ARNT: variants seen among roughly 807,000 people sequenced by gnomAD.
The protein encoded by ARNT is class E basic helix-loop-helix protein 2.
In ARNT, 30 loss-of-function variants were observed where a neutral mutation model predicts 105.0. The ratio of observed to expected loss-of-function variants is 0.29; its 90% CI spans 0.21 to 0.39. ARNT has a LOEUF of 0.39. Ranked by LOEUF, ARNT falls within the 10% of genes least tolerant of loss-of-function variation. The pLI, the probability that ARNT is intolerant of heterozygous loss-of-function variation, is 1.00. For missense variants in ARNT, 748 were observed against 978.7 expected (o/e 0.76, Z 3.15); for synonymous variants, 304 against 344.0 (o/e 0.88, Z 1.29).
chr1:150,843,316 G>A (rs1439360345), intron 4 of ARNT, among the ~76,000 whole-genome samples: 3 of 152,094 alleles, frequency 2.0e-5, no homozygotes, highest in African/African-American at 4.8e-5. Flanking sequence ...CAAGGTGTTG[G>A]CAGGCCATTG....
intron 14 of ARNT, among the ~76,000 whole-genome samples, chr1:150,820,212 A>G (rs587716961): frequency 1.3e-5 from 2 of 152,350 alleles, no homozygotes; most frequent in East Asian, 3.9e-4. Flanking sequence ...CCCCACTTAT[A>G]GAAAGAGCTT....
At chr1:150,821,835 T>C (rs1189804647) in intron 14 of ARNT, among the ~76,000 whole-genome samples, 2 of 64,952 alleles carry the variant, frequency 3.1e-5, no homozygotes, top group Admixed American at 3.7e-4. Flanking sequence ...TTTCTTTTTT[T>C]TTTTTTTTTT....
chr1:150,857,224 A>T (rs1664788783), intron 2 of ARNT, among the ~76,000 whole-genome samples: 1 of 152,212 alleles, frequency 6.6e-6, no homozygotes, highest in African/African-American at 2.4e-5. Context: ...TTTGTCGCTT[A>T]TAACTACATA....
chr1:150,839,389 C>G, intron 6 of ARNT, 52 bp downstream of exon 6: 1 of 1,584,958 alleles, frequency 6.3e-7, no homozygotes, highest in Non-Finnish European at 8.6e-7. Context: ...CGAAAACTTT[C>G]AAGAGATTCA....
intron 2 of ARNT, 34 bp from the exon 3 acceptor site, chr1:150,852,840 G>A (rs1435393262): frequency 2.5e-6 from 4 of 1,612,680 alleles, no homozygotes; most frequent in East Asian, 2.2e-5. Context: ...CTTTAAGCCT[G>A]CTGATAATAC....
At position 150,811,800 on chromosome 1, in the gene ARNT, C is replaced by T. The variant is rs1396026109; in HGVS notation, c.*221G>A. On this transcript the variant is annotated 3_prime_UTR_variant, in exon 22 of 22. Coordinates refer to ENST00000358595, the MANE Select transcript of ARNT (RefSeq NM_001668.4). ...TTAACTTCACCCAGCCTCAAATTTT[C>T]AGACAGTCCTAAAAGCCTTGGAGAT... is the stretch of plus-strand genomic sequence containing the variant. 1.1e-5 allele frequency: 4 copies of T among 355,944 alleles called. No individual in the cohort carries two copies. The highest frequency in any genetic ancestry group is 2.0e-5 in the Non-Finnish European group (4 of 198,570). The allele number at this position is 355,944 out of a possible 1,614,324, so 22.0% of individuals were successfully genotyped here.
chr1:150,862,814 AG>A (rs1194808028), intron 1 of ARNT, among the ~76,000 whole-genome samples: 1 of 151,386 alleles, frequency 6.6e-6, no homozygotes, highest in Non-Finnish European at 1.5e-5. Context: ...GCACTTTGAG[AG>A]GCCGAGGCAG....
chr1:150,865,189 T>A (rs1666354098), intron 1 of ARNT, among the ~76,000 whole-genome samples: 1 of 152,158 alleles, frequency 6.6e-6, no homozygotes, highest in African/African-American at 2.4e-5. Flanking sequence ...AACTTCTGAG[T>A]AAGGATAGTG....
At chr1:150,839,296 T>C (rs764700305) in intron 6 of ARNT, 145 bp downstream of exon 6, 8 of 704,556 alleles carry the variant, frequency 1.1e-5, no homozygotes, top group Non-Finnish European at 1.9e-5. Flanking sequence ...GTCCCAATGC[T>C]AATTAATGTT....
chr1:150,875,249 C>T (rs753495384), intron 1 of ARNT, among the ~76,000 whole-genome samples: 2 of 151,978 alleles, frequency 1.3e-5, no homozygotes, highest in Non-Finnish European at 2.9e-5. Flanking sequence ...AATTTTACCT[C>T]CCTTTCCTTC....
chr1:150,858,349 C>T lies in ARNT; in HGVS notation c.137G>A (p.Gly46Glu). ...CATAACACACTACACTCAAACTCAC[C>T]CTGGTCGCCGCTTAATAGCCCTCTG... ...IVQRAIKRRP[G>E]LDFDDDGEGN... Residue 46 changes from glycine (G) to glutamate (E), a missense_variant and splice_region_variant, in exon 2 of 22, where the codon GGG (glycine) becomes GAG (glutamate). By Grantham distance (98) the Gly-to-Glu change is moderately conservative. Around this residue, in one of 4 missense-constraint regions of ARNT, gnomAD observed 93 missense variants for 101.6 expected, o/e 0.92. Coordinates refer to ENST00000358595, the MANE Select transcript of ARNT (RefSeq NM_001668.4). 2 of 1,601,876 alleles carry T rather than the reference C, an allele frequency of 1.2e-6. No homozygotes were observed. The highest frequency in any genetic ancestry group is 1.7e-6 in the Non-Finnish European group (2 of 1,172,878).
At chr1:150,816,229 C>T in intron 19 of ARNT, 30 bp downstream of exon 19, 1 of 1,570,896 alleles carries the variant, frequency 6.4e-7, no homozygotes, top group Non-Finnish European at 8.6e-7. Context: ...AAAAATAATA[C>T]ACAGGGAACA....
rs10305737 is a variant in ARNT at position 150,818,082 on chromosome 1, G to A, written c.1395-52C>T. On this transcript the variant is annotated intron_variant, in intron 14 of 21. Transcript: ENST00000358595. ...AGGGGGTGGAGAGGGAGGAAGGGGG[G>A]AGAGAGAGAGAAAGAGAAGAATAAG... is the stretch of plus-strand genomic sequence containing the variant. 369 of 1,044,580 alleles carry A rather than the reference G, an allele frequency of 3.5e-4. 1 individual carries two copies. Among genetic ancestry groups the A allele is most frequent in the East Asian group, 2.8e-3 (96 of 33,710 alleles). 64.7% of individuals were successfully genotyped at this position (1,044,580 alleles called of 1,614,324 possible). A position where few individuals can be genotyped will look rare whatever the true frequency, so the allele number is the denominator to read the frequency against.
chr1:150,829,695 G>C (rs1329296032), intron 11 of ARNT, among the ~76,000 whole-genome samples: 1 of 151,974 alleles, frequency 6.6e-6, no homozygotes, highest in Non-Finnish European at 1.5e-5. Context: ...TAAGACAAGG[G>C]GAAAAAGATC....
rs773696724 is a variant in ARNT at position 150,814,226 on chromosome 1, T to G, written c.1964A>C (p.Gln655Pro). ...GGAAGTACGAGTCTTAGCAGTAGCC[T>G]GGGTAGCCACCTGCTAAAGAGAGAT... ...SGFSAQQVAT[Q>P]ATAKTRTSQF... is the part of the protein sequence containing the mutation. The change falls in exon 20 of 22, where the codon CAG (glutamine) becomes CCG (proline). Residue 655 changes from glutamine to proline, a missense_variant. This residue lies in a region of ARNT where 360 missense variants were observed against 411.9 expected (regional missense o/e 0.87). Transcript: ENST00000358595. 6.2e-7 allele frequency: 1 copy of G among 1,614,078 alleles called. No homozygotes were observed.
intron 1 of ARNT, among the ~76,000 whole-genome samples, chr1:150,869,558 T>G (rs1187632922): frequency 3.3e-5 from 5 of 151,698 alleles, no homozygotes; most frequent in Non-Finnish European, 5.9e-5. Flanking sequence ...TTTTTTTTTT[T>G]TCCTAGAGAC....
intron 9 of ARNT, 142 bp from the exon 10 acceptor site, chr1:150,832,045 C>T (rs972514783): frequency 1.3e-5 from 9 of 717,828 alleles, no homozygotes; most frequent in East Asian, 8.2e-5. Flanking sequence ...CAAAAATGAC[C>T]GCCACATTTT....
intron 8 of ARNT, among the ~76,000 whole-genome samples, chr1:150,834,091 G>A (rs1306184980): frequency 4.0e-5 from 6 of 151,802 alleles, no homozygotes; most frequent in Non-Finnish European, 8.8e-5. Flanking sequence ...ACGCCACCAC[G>A]CCCGTCTAAT....
intron 2 of ARNT, among the ~76,000 whole-genome samples, chr1:150,855,276 T>C (rs1664377361): frequency 6.6e-6 from 1 of 152,116 alleles, no homozygotes. Flanking sequence ...TGTTTATGGC[T>C]GTGCGCAGTG....
Sources: gnomAD v4.1 joint callset for allele counts (sites outside exome capture counted in the v4.1 genomes callset) on GRCh38, gnomAD v4.1.1 for gene constraint, gnomAD v4.1.1 regional missense constraint, MANE v1.5 for transcripts, NCBI Gene and HGNC (gene_info 2026-07-23, HGNC 2026-07-21) for gene names.